The following C19orf47 variants were observed in gnomAD, a reference collection of about 807,000 sequenced individuals.
C19orf47 encodes chromosome 19 open reading frame 47.
C19orf47 carries 18 observed loss-of-function variants against 32.3 expected under a neutral mutation model. The observed-to-expected ratio is 0.56, with a 90% CI of 0.39 to 0.83. The LOEUF (loss-of-function observed/expected upper bound fraction) is 0.83, where lower values mean the gene tolerates loss of function less well. Ranked by LOEUF, C19orf47 falls within the 40% of genes least tolerant of loss-of-function variation. The pLI is 0.00. For synonymous variants in C19orf47, 202 were observed against 211.1 expected (o/e 0.96, Z 0.37); for missense variants, 484 against 531.6 (o/e 0.91, Z 0.88).
Position 40,321,671 on chromosome 19 carries a change from G to C in C19orf47, c.*211C>G. 7.2e-7 allele frequency: 1 copy of C among 1,394,910 alleles called. No individual in the cohort carries two copies. The highest frequency in any genetic ancestry group is 2.7e-5 in the East Asian group (1 of 37,460). 86.4% of individuals were successfully genotyped at this position (1,394,910 alleles called of 1,614,324 possible). Reference sequence around the variant, plus strand: ...AAGCACAGAGGACATGAGAGAAGGGGAGTCCTGGAGCAGGCCAGGCCAGCT... The same window carrying C: ...AAGCACAGAGGACATGAGAGAAGGGCAGTCCTGGAGCAGGCCAGGCCAGCT... On this transcript the variant is annotated 3_prime_UTR_variant, in exon 9 of 9. Transcript: ENST00000683109.
chr19:40,333,385 A>C (rs1190457715), intron 5 of C19orf47, among the ~76,000 whole-genome samples: 1 of 152,178 alleles, frequency 6.6e-6, no homozygotes, highest in Non-Finnish European at 1.5e-5. Context: ...CCTGATCAAA[A>C]AAATGTGTGT....
At chr19:40,316,566 C>T (rs2077663603), downstream of C19orf47, among the ~76,000 whole-genome samples, 2 of 152,196 alleles carry the variant, frequency 1.3e-5, no homozygotes, top group African/African-American at 4.8e-5. Context: ...TCAACGTTAG[C>T]TCTCAGCATC....
chr19:40,340,051 G>T (rs2078145898), intron 2 of C19orf47, among the ~76,000 whole-genome samples: 1 of 151,496 alleles, frequency 6.6e-6, no homozygotes, highest in African/African-American at 2.4e-5. Flanking sequence ...TATTCCATAT[G>T]GAGAATGGAG....
intron 1 of C19orf47, among the ~76,000 whole-genome samples, chr19:40,345,549 A>C (rs1415444781): frequency 6.6e-6 from 1 of 151,204 alleles, no homozygotes; most frequent in Non-Finnish European, 1.5e-5. Flanking sequence ...AAAAAAAAAA[A>C]AAAAAAAAAA....
At chr19:40,336,266 G>C in intron 3 of C19orf47, 42 bp from the exon 4 acceptor site, 1 of 1,613,572 alleles carries the variant, frequency 6.2e-7, no homozygotes, top group Non-Finnish European at 8.5e-7. Context: ...GTGGGCCAGA[G>C]TGGGTGGGCC....
chr19:40,340,068 G>A lies in C19orf47; in HGVS notation c.19+1771C>T, dbSNP rs367799496. Reference sequence around the variant, plus strand: ...TTCCATATGGAGAATGGAGAAGAGAGGGGAGTGAGATTGGGGTAGGACTCT... The same window carrying A: ...TTCCATATGGAGAATGGAGAAGAGAAGGGAGTGAGATTGGGGTAGGACTCT... On this transcript the variant is annotated intron_variant, in intron 2 of 8. Transcript: ENST00000683109. Among the ~76,000 whole-genome samples, 22 of 151,868 alleles carry A rather than the reference G, an allele frequency of 1.4e-4. No homozygotes were observed. The East Asian group carries it at 2.3e-3, about 16-fold the overall frequency.
Position 40,336,385 on chromosome 19 carries a change from G to C in C19orf47, c.42C>G (p.Phe14Leu), listed in dbSNP as rs2078066196. The C allele has an allele frequency of 5.0e-6, 8 of 1,614,054 alleles. No homozygotes were observed. The highest frequency in any genetic ancestry group is 6.8e-6 in the Non-Finnish European group (8 of 1,179,992). ...VTMATSEWIQ[F>L]FKEAGIPPGP... ...CTGGAGGAATGCCGGCTTCCTTAAA[G>C]AACTGGATCCACTCGGAAGTGGCTG... The change falls in exon 3 of 9, where the codon TTC (phenylalanine) becomes TTG (leucine). Residue 14 changes from phenylalanine to leucine, a missense_variant. By Grantham distance (22) the Phe-to-Leu change is conservative. Coordinates refer to ENST00000683109, the MANE Select transcript of C19orf47 (RefSeq NM_001256441.2).
At chr19:40,330,222 C>T (rs890505204) in intron 5 of C19orf47, among the ~76,000 whole-genome samples, 5 of 151,678 alleles carry the variant, frequency 3.3e-5, no homozygotes, top group Middle Eastern at 6.8e-3. Flanking sequence ...ATTTACTTTC[C>T]CTTTCTTTTT....
chr19:40,303,295 G>C, the C19orf47 span, among the ~76,000 whole-genome samples: 1 of 148,414 alleles, frequency 6.7e-6, no homozygotes, highest in African/African-American at 2.5e-5. Flanking sequence ...AGGCCGAGGT[G>C]GGGGGATCAC....
rs1457719607 is a variant in C19orf47 at position 40,341,896 on chromosome 19, A to G, written c.-33-6T>C. 3.3e-6 allele frequency: 5 copies of G among 1,536,234 alleles called. No individual in the cohort carries two copies. In the South Asian group the frequency reaches 4.8e-5, roughly 15 times the overall value. ...CTGACACTGCTCCCTGGAGCCTGAA[A>G]GAGAAGAGAGGAGAGAGCCCATGAG... On this transcript the variant is annotated splice_polypyrimidine_tract_variant and splice_region_variant and intron_variant, in intron 1 of 8. Transcript: ENST00000683109.
the C19orf47 span, among the ~76,000 whole-genome samples, chr19:40,314,129 A>G: frequency 6.6e-6 from 1 of 152,114 alleles, no homozygotes; most frequent in Non-Finnish European, 1.5e-5. Context: ...GTAAGGACAC[A>G]GTAAAAACAA....
the C19orf47 span, among the ~76,000 whole-genome samples, chr19:40,307,124 G>T: frequency 1.9e-5 from 2 of 104,680 alleles, no homozygotes; most frequent in African/African-American, 3.8e-5. Context: ...TTGAGACGAA[G>T]TCCTGCTCTG....
rs769661168 is a variant in C19orf47, at chr19:40,321,868, C to T, written c.*14G>A. The T allele has an allele frequency of 1.2e-5, 18 of 1,549,566 alleles. No homozygotes were observed. The highest frequency in any genetic ancestry group is 7.4e-5 in the South Asian group (6 of 81,340). On this transcript the variant is annotated 3_prime_UTR_variant, in exon 9 of 9. Transcript: ENST00000683109. ...CCCGCAGGCTCTGCTGCCTGCACCCCGCCCACAGGTGGGCTAGAAGGTCCT... is the reference window on the plus strand; with the variant it reads ...CCCGCAGGCTCTGCTGCCTGCACCCTGCCCACAGGTGGGCTAGAAGGTCCT...
intron 1 of C19orf47, among the ~76,000 whole-genome samples, chr19:40,344,349 G>A (rs536748711): frequency 1.6e-4 from 24 of 151,770 alleles, no homozygotes; most frequent in African/African-American, 5.3e-4. Context: ...CATGGTGGTG[G>A]GCGCCTGTAA....
intron 5 of C19orf47, among the ~76,000 whole-genome samples, chr19:40,329,511 CA>C (rs1568612456): frequency 6.6e-6 from 1 of 152,044 alleles, no homozygotes; most frequent in Non-Finnish European, 1.5e-5. Context: ...GTCTCAAAAA[CA>C]GGGGGGAAAA....
At chr19:40,307,089 CTTTTTTT>C in the C19orf47 span, among the ~76,000 whole-genome samples, 147 of 64,872 alleles carry the variant, frequency 2.3e-3, no homozygotes, top group African/African-American at 8.6e-3. Flanking sequence ...GCGCCCGGCC[CTTTTTTT>C]TTTTTTTTTT....
At chr19:40,338,986 GA>G (rs58518680) in intron 2 of C19orf47, 2 of 152,250 alleles carry the variant, frequency 1.3e-5, no homozygotes, top group Admixed American at 1.3e-4. Flanking sequence ...ATTAAGGGGA[GA>G]AAAAAGTACC....
chr19:40,337,641 C>T (rs2078091796), intron 2 of C19orf47, among the ~76,000 whole-genome samples: 1 of 152,116 alleles, frequency 6.6e-6, no homozygotes, highest in African/African-American at 2.4e-5. Flanking sequence ...ATTACCTCAC[C>T]CATTTTTCTT....
At chr19:40,346,458 T>C (rs1387392845) in intron 1 of C19orf47, among the ~76,000 whole-genome samples, 1 of 102,454 alleles carries the variant, frequency 9.8e-6, no homozygotes, top group Non-Finnish European at 2.0e-5. Context: ...AATAAATAAA[T>C]AAATAAATAA....
Sources: allele counts gnomAD v4.1 joint callset (sites outside exome capture counted in the v4.1 genomes callset), GRCh38; gene constraint gnomAD v4.1.1; transcripts MANE v1.5; gene names NCBI Gene and HGNC (gene_info 2026-07-23, HGNC 2026-07-21).